The following ULK4 variants were observed in gnomAD, a reference collection of about 807,000 sequenced individuals.
The protein encoded by ULK4 is unc-51 like kinase 4.
ULK4 carries 133 observed loss-of-function variants against 160.6 expected under a neutral mutation model. That is an observed-to-expected ratio of 0.83 (90% CI 0.72 to 0.96). The LOEUF is 0.96. Among genes scored for constraint, ULK4 ranks in the 40% least tolerant of loss-of-function variants. The probability of loss-of-function intolerance (pLI) is 0.00; values close to 1 mark genes in which losing one functional copy is unlikely to be tolerated. For synonymous variants in ULK4, 534 were observed against 539.8 expected (o/e 0.99, Z 0.15); for missense variants, 1,580 against 1,499.5 (o/e 1.05, Z -0.89).
intron 21 of ULK4, among the ~76,000 whole-genome samples, chr3:41,775,520 T>G (rs2039579239): frequency 6.7e-6 from 1 of 149,992 alleles, no homozygotes; most frequent in South Asian, 2.1e-4. Flanking sequence ...TGCCTCAGCC[T>G]ACTGAGTAGC....
chr3:41,495,816 A>G (rs956988670), intron 32 of ULK4, among the ~76,000 whole-genome samples: 5 of 151,966 alleles, frequency 3.3e-5, no homozygotes, highest in African/African-American at 9.7e-5. Flanking sequence ...CAGCCAAAAG[A>G]CACATGAAAA....
In ULK4 at chr3:41,827,665, C is replaced by A. The variant is rs140584226; in HGVS notation, c.1765-8159G>T. On this transcript the variant is annotated intron_variant, in intron 18 of 36. Transcript: ENST00000301831. ...AATTGAGGCAATAATTAATAGCTTA[C>A]CAACCAAAAAAAGTTCAGGACTAGA... is the stretch of plus-strand genomic sequence containing the variant. Among the ~76,000 whole-genome samples, 116 of 152,198 alleles carry A rather than the reference C, an allele frequency of 7.6e-4. 1 individual carries two copies. In the East Asian group the frequency reaches 0.018, roughly 23 times the overall value.
intron 32 of ULK4, among the ~76,000 whole-genome samples, chr3:41,539,160 A>G (rs988250768): frequency 5.9e-4 from 87 of 146,318 alleles, no homozygotes; most frequent in African/African-American, 2.1e-3. Context: ...AAGTGGAATC[A>G]TGCAGTTCAA....
At chr3:41,520,953 G>A (rs1256392) in intron 32 of ULK4, among the ~76,000 whole-genome samples, 64,387 of 151,996 alleles carry the variant, frequency 0.42, 15,085 homozygotes, top group Non-Finnish European at 0.52. Context: ...ATATATTCAG[G>A]ATATTAATTC....
At chr3:41,788,606 C>T (rs763124631) in intron 21 of ULK4, among the ~76,000 whole-genome samples, 2 of 151,880 alleles carry the variant, frequency 1.3e-5, no homozygotes, top group Non-Finnish European at 2.9e-5. Context: ...AAGAGAACAG[C>T]GTGAACCCAG....
intron 19 of ULK4, among the ~76,000 whole-genome samples, chr3:41,813,587 A>C (rs1048638475): frequency 2.0e-5 from 3 of 152,234 alleles, no homozygotes; most frequent in African/African-American, 7.2e-5. Flanking sequence ...TATCTTTGAA[A>C]TGTTTTAGAC....
intron 22 of ULK4, among the ~76,000 whole-genome samples, chr3:41,746,042 G>C (rs749998074): frequency 2.7e-5 from 4 of 150,406 alleles, no homozygotes; most frequent in Admixed American, 1.3e-4. Context: ...AAAAAATCTA[G>C]AGTTAACACC....
chr3:41,516,432 T>C (rs540859783), intron 32 of ULK4, among the ~76,000 whole-genome samples: 16 of 152,206 alleles, frequency 1.1e-4, no homozygotes, highest in African/African-American at 3.6e-4. Flanking sequence ...GGATAAAATA[T>C]TTGCAAAACA....
chr3:41,654,690 C>T (rs942156957), intron 30 of ULK4, among the ~76,000 whole-genome samples: 7 of 152,146 alleles, frequency 4.6e-5, no homozygotes, highest in African/African-American at 1.7e-4. Context: ...CTTGCGTTAT[C>T]CCGTGAAATT....
In ULK4 at chr3:41,322,019, CTTTTA is replaced by C. The variant is rs151116053; in HGVS notation, c.3679-72450_3679-72446del. On this transcript the variant is annotated intron_variant, in intron 35 of 36. Coordinates refer to ENST00000301831, the MANE Select transcript of ULK4 (RefSeq NM_017886.4). ...ACTTCTTTTCATTCCTGCTCTAAAG[CTTTTA>C]TTTTATTTTATTTTATTTATTTATT... is the stretch of plus-strand genomic sequence containing the variant. Among the ~76,000 whole-genome samples the C allele has an allele frequency of 2.2e-4, 32 of 143,652 alleles. 1 individual carries two copies. Among genetic ancestry groups the C allele is most frequent in the African/African-American group, 5.2e-4 (19 of 36,644 alleles). The allele number at this position is 143,652 out of a possible 152,430, so 94.2% of individuals were successfully genotyped here.
chr3:41,338,287 C>T (rs554846374), intron 35 of ULK4, among the ~76,000 whole-genome samples: 16 of 152,294 alleles, frequency 1.1e-4, no homozygotes, highest in African/African-American at 3.6e-4. Flanking sequence ...GGCAGAACGG[C>T]CCCTGGAGAC....
rs149624956 is a variant in ULK4 at position 41,358,170 on chromosome 3, C to T, written c.3678+39909G>A. Among the ~76,000 whole-genome samples, 10 of 152,312 alleles carry T rather than the reference C, an allele frequency of 6.6e-5. No individual in the cohort carries two copies. The East Asian group carries it at 1.9e-3, about 29-fold the overall frequency. On this transcript the variant is annotated intron_variant, in intron 35 of 36. Transcript: ENST00000301831. ...GGCAAACACACCACAATGGAGTGGGCTCCGCAGAACAGATTGTGGCTCAAG... is the reference window on the plus strand; with the variant it reads ...GGCAAACACACCACAATGGAGTGGGTTCCGCAGAACAGATTGTGGCTCAAG...
intron 34 of ULK4, among the ~76,000 whole-genome samples, chr3:41,434,271 C>G (rs1463203922): frequency 6.6e-6 from 1 of 152,146 alleles, no homozygotes; most frequent in African/African-American, 2.4e-5. Context: ...ATTCAAAACA[C>G]TTCTTGTCCC....
chr3:41,573,004 A>G (rs1222901757), intron 31 of ULK4, among the ~76,000 whole-genome samples: 2 of 152,152 alleles, frequency 1.3e-5, no homozygotes, highest in East Asian at 1.9e-4. Context: ...CTTTAAGATT[A>G]TGACGAAAAT....
chr3:41,472,564 C>CA (rs571469831), intron 32 of ULK4, among the ~76,000 whole-genome samples: 30 of 104,416 alleles, frequency 2.9e-4, no homozygotes, highest in Non-Finnish European at 4.3e-4. Context: ...GTGGGACTGT[C>CA]AAAAAAAAGA....
At chr3:41,641,852 T>G (rs900830162) in intron 30 of ULK4, among the ~76,000 whole-genome samples, 8 of 149,178 alleles carry the variant, frequency 5.4e-5, no homozygotes, top group African/African-American at 2.0e-4. Context: ...AAGGAGCTCA[T>G]AAAAATGACA....
At chr3:41,700,502 T>C (rs1012938739) in intron 27 of ULK4, among the ~76,000 whole-genome samples, 2 of 152,294 alleles carry the variant, frequency 1.3e-5, no homozygotes, top group South Asian at 2.1e-4. Flanking sequence ...ATCTCAGACC[T>C]ACATTATCAG....
intron 35 of ULK4, among the ~76,000 whole-genome samples, chr3:41,312,718 G>A (rs2080074913): frequency 6.6e-6 from 1 of 152,074 alleles, no homozygotes; most frequent in Admixed American, 6.6e-5. Context: ...TGAGGTGGAA[G>A]GATTACTTGA....
chr3:41,617,308 C>T (rs1244370340), intron 30 of ULK4, among the ~76,000 whole-genome samples: 4 of 152,246 alleles, frequency 2.6e-5, no homozygotes, highest in Admixed American at 1.3e-4. Context: ...GTCCCTGACC[C>T]CAAGCCTCCT....
Sources: allele counts gnomAD v4.1 joint callset (sites outside exome capture counted in the v4.1 genomes callset), GRCh38; gene constraint gnomAD v4.1.1; transcripts MANE v1.5; gene names NCBI Gene and HGNC (gene_info 2026-07-23, HGNC 2026-07-21).